Variants in FUT9 observed in about 807,000 individuals in gnomAD.
FUT9 encodes 4-galactosyl-N-acetylglucosaminide 3-alpha-L-fucosyltransferase 9.
FUT9 carries 15 observed loss-of-function variants against 29.7 expected under a neutral mutation model. The observed-to-expected ratio is 0.51, with a 90% CI of 0.34 to 0.78. The LOEUF (loss-of-function observed/expected upper bound fraction) is 0.78, where lower values mean the gene tolerates loss of function less well. Ranked by LOEUF, FUT9 falls within the 30% of genes least tolerant of loss-of-function variation. The probability of loss-of-function intolerance (pLI) is 0.01; values close to 1 mark genes in which losing one functional copy is unlikely to be tolerated. For missense variants in FUT9, 319 were observed against 425.4 expected, an observed-to-expected ratio of 0.75 and a Z score of 2.20; for synonymous variants, 169 against 153.7, an observed-to-expected ratio of 1.10 and a Z score of -0.74.
chr6:96,108,270 C>T (rs1001153386), intron 1 of FUT9, among the ~76,000 whole-genome samples: 4 of 152,036 alleles, frequency 2.6e-5, no homozygotes, highest in African/African-American at 9.7e-5. Flanking sequence ...CCAAATCATC[C>T]CATGTTGTAT....
Position 96,060,712 on chromosome 6 carries a change from T to C in FUT9, c.-98+44500T>C, listed in dbSNP as rs560741201. On this transcript the variant is annotated intron_variant, in intron 1 of 2. Coordinates refer to ENST00000302103, the MANE Select transcript of FUT9 (RefSeq NM_006581.4). ...CCACCACACCCAGCTAATTTTTGTA[T>C]TTTTTTGTAGAGACAGGTTTTCACC... 2.0e-5 allele frequency among the ~76,000 whole-genome samples: 3 copies of C among 152,100 alleles called. No homozygotes were observed. In the South Asian group the frequency reaches 6.2e-4, roughly 32 times the overall value.
chr6:96,088,085 C>G (rs1183582257), intron 1 of FUT9, among the ~76,000 whole-genome samples: 1 of 151,706 alleles, frequency 6.6e-6, no homozygotes, highest in African/African-American at 2.4e-5. Context: ...ATCTTTATTT[C>G]CTATATTACA....
At chr6:96,080,832 T>C (rs964277826) in intron 1 of FUT9, among the ~76,000 whole-genome samples, 5 of 151,976 alleles carry the variant, frequency 3.3e-5, no homozygotes, top group Non-Finnish European at 7.4e-5. Context: ...CTTGGGTATG[T>C]CTATTATACA....
chr6:96,124,866 T>G (rs751160709), intron 2 of FUT9, among the ~76,000 whole-genome samples: 52 of 152,238 alleles, frequency 3.4e-4, no homozygotes, highest in Non-Finnish European at 6.8e-4. Context: ...AATGTGTTAG[T>G]GACATTCGTC....
chr6:96,052,061 G>C (rs1770680861), intron 1 of FUT9, among the ~76,000 whole-genome samples: 1 of 152,128 alleles, frequency 6.6e-6, no homozygotes, highest in Non-Finnish European at 1.5e-5. Context: ...GGCTGGGGAG[G>C]CCTCAGGAAA....
intron 1 of FUT9, among the ~76,000 whole-genome samples, chr6:96,111,386 T>C (rs1266645754): frequency 6.6e-6 from 1 of 151,992 alleles, no homozygotes; most frequent in Non-Finnish European, 1.5e-5. Context: ...AAAATGATTT[T>C]CTCCCTATAC....
At chr6:96,092,097 A>G (rs1449323984) in intron 1 of FUT9, among the ~76,000 whole-genome samples, 4 of 152,142 alleles carry the variant, frequency 2.6e-5, no homozygotes, top group East Asian at 1.9e-4. Context: ...TCCCAAATGG[A>G]CAATAATACT....
chr6:96,145,127 G>T (rs972428986), intron 2 of FUT9, among the ~76,000 whole-genome samples: 3 of 151,972 alleles, frequency 2.0e-5, no homozygotes, highest in South Asian at 2.1e-4. Flanking sequence ...GCACGATCTC[G>T]GCTCACTGCA....
chr6:96,056,850 C>T (rs1449288771), intron 1 of FUT9, among the ~76,000 whole-genome samples: 2 of 152,084 alleles, frequency 1.3e-5, no homozygotes, highest in Admixed American at 6.5e-5. Context: ...CACTCTCTGA[C>T]TTAACGATGG....
chr6:96,057,308 G>T (rs539191802), intron 1 of FUT9, among the ~76,000 whole-genome samples: 1 of 152,230 alleles, frequency 6.6e-6, no homozygotes, highest in African/African-American at 2.4e-5. Context: ...GTAAAATATT[G>T]CAGTTTGAGT....
At chr6:96,106,107 C>T (rs1417954873) in intron 1 of FUT9, among the ~76,000 whole-genome samples, 1 of 113,098 alleles carries the variant, frequency 8.8e-6, no homozygotes, top group East Asian at 1.9e-4. Flanking sequence ...CCTCTTACTA[C>T]CCCTAGAGTT....
At chr6:96,122,976 C>T (rs1425482259) in intron 2 of FUT9, among the ~76,000 whole-genome samples, 1 of 139,130 alleles carries the variant, frequency 7.2e-6, no homozygotes, top group Non-Finnish European at 1.5e-5. Context: ...AGAAGAATGG[C>T]GTGAACCCAG....
At chr6:96,113,726 CGCCTGT>C (rs1771855710) in intron 1 of FUT9, among the ~76,000 whole-genome samples, 6 of 151,414 alleles carry the variant, frequency 4.0e-5, no homozygotes, top group Admixed American at 3.9e-4. Context: ...TGGTGGCGGG[CGCCTGT>C]AGTCCCAGCT....
chr6:96,139,848 GC>G (rs1337155757), intron 2 of FUT9, among the ~76,000 whole-genome samples: 2 of 152,122 alleles, frequency 1.3e-5, no homozygotes, highest in Non-Finnish European at 2.9e-5. Context: ...GGGCCTCCAT[GC>G]CTGTGATTGG....
chr6:96,053,633 C>T (rs754224422), intron 1 of FUT9, among the ~76,000 whole-genome samples: 5 of 152,132 alleles, frequency 3.3e-5, no homozygotes, highest in South Asian at 2.1e-4. Context: ...GGTGTGAACC[C>T]GGGAGGCGTA....
At chr6:96,167,115 C>G (rs1359631395) in intron 2 of FUT9, among the ~76,000 whole-genome samples, 2 of 152,014 alleles carry the variant, frequency 1.3e-5, no homozygotes, top group Non-Finnish European at 2.9e-5. Flanking sequence ...AAAATAAATT[C>G]CTGAAAATGT....
At chr6:96,171,039 A>C (rs12191880) in intron 2 of FUT9, among the ~76,000 whole-genome samples, 18,789 of 152,168 alleles carry the variant, frequency 0.12, 1,476 homozygotes, top group Non-Finnish European at 0.18. Flanking sequence ...CTTGATTGCC[A>C]ATCATTTGGA....
At chr6:96,092,639 G>C (rs1032554074) in intron 1 of FUT9, among the ~76,000 whole-genome samples, 1 of 152,050 alleles carries the variant, frequency 6.6e-6, no homozygotes, top group African/African-American at 2.4e-5. Context: ...CTTTGCATAT[G>C]TCATTTCCTC....
chr6:96,132,046 C>T (rs2127969530), intron 2 of FUT9, among the ~76,000 whole-genome samples: 1 of 152,126 alleles, frequency 6.6e-6, no homozygotes, highest in African/African-American at 2.4e-5. Flanking sequence ...GCAAATGGTG[C>T]CATTTATCAA....
Sources: allele counts gnomAD v4.1 joint callset (sites outside exome capture counted in the v4.1 genomes callset), GRCh38; gene constraint gnomAD v4.1.1; transcripts MANE v1.5; gene names NCBI Gene and HGNC (gene_info 2026-07-23, HGNC 2026-07-21).